ABCB10: variants seen among roughly 807,000 people sequenced by gnomAD.
The protein encoded by ABCB10 is ATP binding cassette subfamily B member 10.
A neutral mutation model predicts 65.4 loss-of-function variants in ABCB10; 54 were observed. That is an observed-to-expected ratio of 0.83 (90% CI 0.66 to 1.04). The LOEUF (loss-of-function observed/expected upper bound fraction) is 1.04, where lower values mean the gene tolerates loss of function less well. Ranked by LOEUF, ABCB10 falls within the 50% of genes least tolerant of loss-of-function variation. The pLI, the probability that ABCB10 is intolerant of heterozygous loss-of-function variation, is 0.00. For missense variants in ABCB10, 846 were observed against 976.6 expected, an observed-to-expected ratio of 0.87 and a Z score of 1.78; for synonymous variants, 418 against 406.5, an observed-to-expected ratio of 1.03 and a Z score of -0.34.
In ABCB10 at chr1:229,539,531, C is replaced by CCAT; in HGVS notation, c.1261_1263dup (p.Met421dup). ...TCACCCACGGTCATGTGGGCACTGCCCATCAGCAGCCCTCCTTTGTACAGG... is the reference window on the plus strand; with the variant it reads ...TCACCCACGGTCATGTGGGCACTGCCCATCATCAGCAGCCCTCCTTTGTACAGG... On this transcript the variant is annotated inframe_insertion, in exon 6 of 13. Coordinates refer to ENST00000344517, the MANE Select transcript of ABCB10 (RefSeq NM_012089.3). 6.2e-7 allele frequency: 1 copy of CCAT among 1,614,072 alleles called. No homozygotes were observed. The highest frequency in any genetic ancestry group is 8.5e-7 in the Non-Finnish European group (1 of 1,179,990).
chr1:229,536,411 G>A (rs1662723627), intron 6 of ABCB10, among the ~76,000 whole-genome samples: 1 of 152,150 alleles, frequency 6.6e-6, no homozygotes. Flanking sequence ...GGAGGCTGAG[G>A]CGGAAGGATC....
intron 6 of ABCB10, among the ~76,000 whole-genome samples, chr1:229,532,198 C>T (rs915794486): frequency 3.9e-5 from 6 of 152,180 alleles, no homozygotes; most frequent in East Asian, 3.9e-4. Context: ...GTGATCCACC[C>T]GCCTCAGCCT....
intron 8 of ABCB10, among the ~76,000 whole-genome samples, chr1:229,527,637 C>T (rs890639255): frequency 2.6e-5 from 4 of 152,180 alleles, no homozygotes; most frequent in African/African-American, 9.7e-5. Flanking sequence ...ATAAGATGCA[C>T]TTGTGCAAAG....
chr1:229,543,276 G>C (rs758105091), intron 3 of ABCB10, among the ~76,000 whole-genome samples: 2 of 152,162 alleles, frequency 1.3e-5, no homozygotes, highest in Non-Finnish European at 2.9e-5. Context: ...TCAATATACT[G>C]AGGAGCTTCT....
Position 229,525,109 on chromosome 1 carries a change from C to A in ABCB10, c.1906+827G>T, listed in dbSNP as rs529950329. Among the ~76,000 whole-genome samples, 10 of 152,260 alleles carry A rather than the reference C, an allele frequency of 6.6e-5. No homozygotes were observed. The South Asian group carries it at 1.9e-3, about 28-fold the overall frequency. ...ATCTCAAGTGATCCACCTGCCTCGG[C>A]CTCCCAAAGTGCTGGGATTACAGGT... On this transcript the variant is annotated intron_variant, in intron 10 of 12. Coordinates refer to ENST00000344517, the MANE Select transcript of ABCB10 (RefSeq NM_012089.3).
intron 6 of ABCB10, among the ~76,000 whole-genome samples, chr1:229,535,867 G>A (rs28798529): frequency 0.3 from 45,965 of 151,794 alleles, 8,746 homozygotes; most frequent in African/African-American, 0.54. Context: ...CTGGGATTAC[G>A]GGCATGAACC....
intron 6 of ABCB10, among the ~76,000 whole-genome samples, chr1:229,535,685 T>C (rs776976893): frequency 4.6e-4 from 70 of 151,992 alleles, no homozygotes; most frequent in Non-Finnish European, 7.8e-4. Flanking sequence ...TGAACCCTAA[T>C]GTAAACTGTG....
chr1:229,532,745 G>T (rs891121203), intron 6 of ABCB10, among the ~76,000 whole-genome samples: 5 of 152,122 alleles, frequency 3.3e-5, no homozygotes, highest in Non-Finnish European at 5.9e-5. Context: ...GCCAGGCCTG[G>T]TAGCATGTGC....
intron 6 of ABCB10, among the ~76,000 whole-genome samples, chr1:229,536,018 G>A (rs545587584): frequency 2.0e-5 from 3 of 152,148 alleles, no homozygotes; most frequent in Admixed American, 6.5e-5. Flanking sequence ...GAGCCACTGC[G>A]CCCAGCTGTA....
At chr1:229,537,497 A>G (rs1321745610) in intron 6 of ABCB10, among the ~76,000 whole-genome samples, 3 of 152,214 alleles carry the variant, frequency 2.0e-5, no homozygotes, top group Non-Finnish European at 4.4e-5. Context: ...TTAAAAACAT[A>G]AAAGCATGGC....
chr1:229,538,526 T>C (rs1463302455), intron 6 of ABCB10, among the ~76,000 whole-genome samples: 1 of 152,066 alleles, frequency 6.6e-6, no homozygotes, highest in Non-Finnish European at 1.5e-5. Context: ...TGTCTGTGGG[T>C]CCTCCTGAAC....
intron 3 of ABCB10, among the ~76,000 whole-genome samples, chr1:229,546,097 G>A (rs10916511): frequency 0.19 from 28,563 of 151,228 alleles, 2,908 homozygotes; most frequent in Middle Eastern, 0.27. Flanking sequence ...ACTTGAACCC[G>A]GGAGGAGGAG....
intron 1 of ABCB10, among the ~76,000 whole-genome samples, chr1:229,556,178 C>G (rs2102713802): frequency 6.6e-6 from 1 of 152,268 alleles, no homozygotes; most frequent in South Asian, 2.1e-4. Flanking sequence ...GAGTTCGAGA[C>G]CACCCTGACC....
chr1:229,554,212 C>T (rs1319843107), intron 1 of ABCB10, among the ~76,000 whole-genome samples: 3 of 152,086 alleles, frequency 2.0e-5, no homozygotes, highest in African/African-American at 4.8e-5. Context: ...TGAAGAGACT[C>T]GGCATCTGCG....
Position 229,542,354 on chromosome 1 carries a change from A to T in ABCB10, c.939T>A (p.Asn313Lys). 1 of 1,612,282 alleles carries T rather than the reference A, an allele frequency of 6.2e-7. No individual in the cohort carries two copies. Among genetic ancestry groups the T allele is most frequent in the Non-Finnish European group, 8.5e-7 (1 of 1,179,562 alleles). ...CCACGCTCAAAACAAAGGTGGCCAG[A>T]TTAGGTGAGACAAAAAACTGTCAAA... is the stretch of plus-strand genomic sequence containing the variant. ...GISMMFFVSPNLATFVLSVVP... is the reference protein window; with the variant it reads ...GISMMFFVSPKLATFVLSVVP... Residue 313 changes from asparagine to lysine, a missense_variant, in exon 4 of 13, where the codon AAT becomes AAA. This residue lies in a region of ABCB10 where 632 missense variants were observed against 803.2 expected (regional missense o/e 0.79). Coordinates refer to ENST00000344517, the MANE Select transcript of ABCB10 (RefSeq NM_012089.3).
In ABCB10 at chr1:229,547,166, C is replaced by T. The variant is rs116693668; in HGVS notation, c.921+333G>A. Reference sequence around the variant, plus strand: ...ACACAGAGGAATGGAATTTAGTCACCGCTTGGTGCCACCCACAGGGTAGTA... The same window carrying T: ...ACACAGAGGAATGGAATTTAGTCACTGCTTGGTGCCACCCACAGGGTAGTA... On this transcript the variant is annotated intron_variant, in intron 3 of 12. Coordinates refer to ENST00000344517, the MANE Select transcript of ABCB10 (RefSeq NM_012089.3). Among the ~76,000 whole-genome samples the T allele has an allele frequency of 1.8e-3, 280 of 152,256 alleles. 1 individual carries two copies. Among genetic ancestry groups the T allele is most frequent in the African/African-American group, 6.4e-3 (266 of 41,542 alleles).
intron 8 of ABCB10, among the ~76,000 whole-genome samples, chr1:229,528,048 C>T (rs962465848): frequency 1.3e-5 from 2 of 152,168 alleles, no homozygotes; most frequent in African/African-American, 4.8e-5. Flanking sequence ...ATTGAGGGTG[C>T]TCAACAAAAC....
intron 3 of ABCB10, among the ~76,000 whole-genome samples, chr1:229,546,543 ATTTT>A (rs1182529992): frequency 2.0e-5 from 3 of 152,138 alleles, no homozygotes; most frequent in African/African-American, 7.2e-5. Flanking sequence ...AGATGACAAT[ATTTT>A]GTTTATACTG....
intron 9 of ABCB10, 123 bp from the exon 10 acceptor site, chr1:229,526,239 T>A: frequency 9.9e-7 from 1 of 1,007,806 alleles, no homozygotes; most frequent in Non-Finnish European, 1.4e-6. Flanking sequence ...TTATCATCTG[T>A]AGTTCTCACC....
Sources: gnomAD v4.1 joint callset for allele counts (sites outside exome capture counted in the v4.1 genomes callset) on GRCh38, gnomAD v4.1.1 for gene constraint, gnomAD v4.1.1 regional missense constraint, MANE v1.5 for transcripts, NCBI Gene and HGNC (gene_info 2026-07-23, HGNC 2026-07-21) for gene names.